Variants in GCNA observed in about 807,000 individuals in gnomAD.
GCNA encodes the protein germ cell nuclear acidic protein.
GCNA carries 3 observed loss-of-function variants against 38.8 expected under a neutral mutation model. That is an observed-to-expected ratio of 0.08 (90% confidence interval 0.04 to 0.20). GCNA has a LOEUF of 0.20. Among genes scored for constraint, GCNA ranks in the 10% least tolerant of loss-of-function variants. The pLI is 1.00. For synonymous variants in GCNA, 195 were observed against 240.2 expected, an observed-to-expected ratio of 0.81 and a Z score of 1.74; for missense variants, 446 against 578.6, an observed-to-expected ratio of 0.77 and a Z score of 2.35.
chrX:71,578,925 G>GAT (rs2040522491), intron 1 of GCNA, among the ~76,000 whole-genome samples: 1 of 106,783 alleles, frequency 9.4e-6, no homozygotes, highest in African/African-American at 3.4e-5. Flanking sequence ...GAGAAGTAGG[G>GAT]GCACCAGTGG....
At chrX:71,587,794 T>G (rs1157653858) in intron 2 of GCNA, among the ~76,000 whole-genome samples, 1 of 110,567 alleles carries the variant, frequency 9.0e-6, no homozygotes, top group African/African-American at 3.3e-5. Flanking sequence ...TTCTTTTTTT[T>G]TTTTTAAACA....
intron 7 of GCNA, among the ~76,000 whole-genome samples, chrX:71,598,248 G>A (rs1403958268): frequency 9.0e-6 from 1 of 111,599 alleles, no homozygotes; most frequent in Non-Finnish European, 1.9e-5. Flanking sequence ...TGTTGTTGCT[G>A]CCTCAGACCT....
At chrX:71,585,818 A>G (rs1200709972) in intron 2 of GCNA, among the ~76,000 whole-genome samples, 1 of 102,060 alleles carries the variant, frequency 9.8e-6, no homozygotes, top group Non-Finnish European at 2.0e-5. Context: ...ATTCTTTCAC[A>G]ACTTGAGGTT....
rs773000174 is a variant in GCNA at position 71,603,677 on chromosome X, A to AATG, written c.403_405dup (p.Asp135dup). 1,954 of 1,210,512 alleles carry AATG rather than the reference A, an allele frequency of 1.6e-3. 28 individuals carry two copies. The African/African-American group carries it at 0.031, about 19-fold the overall frequency. On this transcript the variant is annotated inframe_insertion, in exon 8 of 13. Transcript: ENST00000373696. The stretch of plus-strand genomic sequence containing the variant: ...TGATGACAATGACGATGACAACGGT[A>AATG]ATGATTTGGAAGTTCCCGACGACAA...
intron 2 of GCNA, among the ~76,000 whole-genome samples, chrX:71,591,889 T>C (rs1437970837): frequency 1.8e-5 from 2 of 112,350 alleles, no homozygotes; most frequent in African/African-American, 6.5e-5. Flanking sequence ...CATCTAACAT[T>C]CTTCCCGTGT....
intron 2 of GCNA, among the ~76,000 whole-genome samples, chrX:71,586,614 C>CT (rs767932632): frequency 4.7e-4 from 49 of 104,936 alleles, no homozygotes; most frequent in Admixed American, 1.2e-3. Flanking sequence ...GGCCATGTTA[C>CT]TTTTTTTTTT....
At chrX:71,612,283 GA>G (rs756270122) in intron 11 of GCNA, 71 bp from the exon 12 acceptor site, 19,921 of 271,779 alleles carry the variant, frequency 0.073, no homozygotes, top group Non-Finnish European at 0.08. Flanking sequence ...CTCAAAAAAG[GA>G]AAAAAAAAAA....
rs1232133669 is a variant in GCNA at position 71,588,892 on chromosome X, G to GT, written c.60-3215dup. On this transcript the variant is annotated intron_variant, in intron 2 of 12. Transcript: ENST00000373696. ...TGGATCTTTTATAACTTTTTTTTAA[G>GT]TTTTTTTTTTTTTTTCTTTGTCAGC... Among the ~76,000 whole-genome samples, 669 of 101,215 alleles carry GT rather than the reference G, an allele frequency of 6.6e-3. 6 individuals are homozygous for GT. Among genetic ancestry groups the GT allele is most frequent in the East Asian group, 0.045 (147 of 3,294 alleles). 87.9% of individuals were successfully genotyped at this position (101,215 alleles called of 115,157 possible).
At chrX:71,608,471 A>C (rs754770547) in intron 9 of GCNA, among the ~76,000 whole-genome samples, 11 of 111,231 alleles carry the variant, frequency 9.9e-5, no homozygotes, top group African/African-American at 2.3e-4. Context: ...ACAGGGTTTC[A>C]CCGTGTTAGC....
chrX:71,603,448 T>C, intron 7 of GCNA, 140 bp from the exon 8 acceptor site: 1 of 925,000 alleles, frequency 1.1e-6, no homozygotes, highest in Non-Finnish European at 1.5e-6. Flanking sequence ...TCCTTTAAAA[T>C]AACCGATTCT....
Position 71,610,808 on chromosome X carries a change from G to A in GCNA, c.1739G>A (p.Cys580Tyr). The A allele has an allele frequency of 8.3e-7, 1 of 1,211,868 alleles. No homozygotes were observed. Among genetic ancestry groups the A allele is most frequent in the Non-Finnish European group, 1.1e-6 (1 of 895,450 alleles). The change falls in exon 11 of 13, where the codon TGC becomes TAC. Residue 580 changes from cysteine (C) to tyrosine (Y), a missense_variant. By Grantham distance (194) the Cys-to-Tyr change is radical. Transcript: ENST00000373696. Reference sequence around the variant, plus strand: ...AAGATCCAGATTGGCTTGAAAGTCTGCGACTCTGCAGGTGATGGCAGGAGT... The same window carrying A: ...AAGATCCAGATTGGCTTGAAAGTCTACGACTCTGCAGGTGATGGCAGGAGT... ...FAKIQIGLKV[C>Y]DSADRIRDTL... is the part of the protein sequence containing the mutation.
intron 2 of GCNA, among the ~76,000 whole-genome samples, chrX:71,582,837 T>C (rs1451053972): frequency 3.6e-5 from 4 of 112,262 alleles, no homozygotes; most frequent in African/African-American, 1.3e-4. Context: ...CATGTAATCA[T>C]ATATAGACAT....
rs1383095757 is a variant in GCNA, at chrX:71,597,953, C to T, written c.225C>T (p.Ser75=). The part of the protein sequence containing the change: ...ARRAPKRQAS[S]VVVIDSDSDE... ...TTTCTCCTGTTTCATCACTCAGCTC[C>T]GTGGTAGTGATTGACTCTGATTCTG... The change falls in exon 7 of 13, where the codon TCC becomes TCT. Residue 75 remains serine, a synonymous_variant. Transcript: ENST00000373696. The T allele has an allele frequency of 4.2e-6, 5 of 1,202,308 alleles. No homozygotes were observed. The highest frequency in any genetic ancestry group is 5.6e-6 in the Non-Finnish European group (5 of 887,234).
intron 7 of GCNA, among the ~76,000 whole-genome samples, chrX:71,602,242 A>G (rs113554280): frequency 0.013 from 1,461 of 111,534 alleles, 28 homozygotes; most frequent in African/African-American, 0.044. Flanking sequence ...GCTGGAGTAC[A>G]GTGGTGTGAT....
intron 1 of GCNA, among the ~76,000 whole-genome samples, chrX:71,579,135 C>T (rs2040525498): frequency 9.7e-6 from 1 of 103,270 alleles, no homozygotes; most frequent in Non-Finnish European, 2.0e-5. Context: ...ATACGTGGCG[C>T]CGGTGGCGGC....
At chrX:71,589,295 T>TG (rs1051902206) in intron 2 of GCNA, among the ~76,000 whole-genome samples, 10 of 106,482 alleles carry the variant, frequency 9.4e-5, no homozygotes, top group African/African-American at 3.4e-4. Context: ...CGAGGTGTGG[T>TG]GGGGGGTTTC....
At chrX:71,608,178 A>C (rs1358110777) in intron 9 of GCNA, among the ~76,000 whole-genome samples, 1 of 112,331 alleles carries the variant, frequency 8.9e-6, no homozygotes, top group African/African-American at 3.2e-5. Context: ...GAACTAGAGT[A>C]GGAACCAGGG....
intron 2 of GCNA, among the ~76,000 whole-genome samples, chrX:71,587,819 C>T (rs979898898): frequency 9.1e-6 from 1 of 110,127 alleles, no homozygotes; most frequent in African/African-American, 3.3e-5. Flanking sequence ...TGCTCTGTCG[C>T]CCAGGCTGGA....
intron 10 of GCNA, among the ~76,000 whole-genome samples, chrX:71,609,500 C>T (rs2040794240): frequency 8.9e-6 from 1 of 111,935 alleles, no homozygotes; most frequent in Non-Finnish European, 1.9e-5. Flanking sequence ...AGCTGTGTGA[C>T]CTTGAACAAG....
Sources: gnomAD v4.1 joint callset for allele counts (sites outside exome capture counted in the v4.1 genomes callset) on GRCh38, gnomAD v4.1.1 for gene constraint, MANE v1.5 for transcripts, NCBI Gene and HGNC (gene_info 2026-07-23, HGNC 2026-07-21) for gene names.